Variants in ANKRD30A observed in about 807,000 individuals in gnomAD.
ANKRD30A encodes the protein ankyrin repeat domain-containing protein 30A.
ANKRD30A carries 170 observed loss-of-function variants against 166.3 expected under a neutral mutation model. That is an observed-to-expected ratio of 1.02 (90% CI 0.90 to 1.16). The LOEUF (loss-of-function observed/expected upper bound fraction) is 1.16. Among genes scored for constraint, ANKRD30A ranks in the 50% most tolerant of loss-of-function variants. The probability of loss-of-function intolerance (pLI) is 0.00; values close to 1 mark genes in which losing one functional copy is unlikely to be tolerated. For missense variants in ANKRD30A, 1,630 were observed against 1,518.0 expected (o/e 1.07, Z -1.23); for synonymous variants, 564 against 508.9 (o/e 1.11, Z -1.46).
intron 30 of ANKRD30A, 143 bp downstream of exon 30, chr10:37,199,931 G>A (rs1334582049): frequency 1.0e-5 from 5 of 501,450 alleles, no homozygotes; most frequent in Admixed American, 3.5e-5. Context: ...GCTTAATAGA[G>A]AATCTATGTG....
intron 32 of ANKRD30A, among the ~76,000 whole-genome samples, chr10:37,217,456 G>C (rs1148258): frequency 6.6e-6 from 1 of 150,576 alleles, no homozygotes; most frequent in Non-Finnish European, 1.5e-5. Flanking sequence ...TATAACAGTC[G>C]TTGCAGTTAA....
intron 6 of ANKRD30A, among the ~76,000 whole-genome samples, chr10:37,137,900 C>T (rs1388551478): frequency 6.6e-6 from 1 of 152,136 alleles, no homozygotes; most frequent in South Asian, 2.1e-4. Flanking sequence ...CAGCACGCAG[C>T]TGGAGATCTG....
intron 7 of ANKRD30A, among the ~76,000 whole-genome samples, chr10:37,143,915 CTT>C (rs34646779): frequency 6.4e-4 from 84 of 132,082 alleles, no homozygotes; most frequent in African/African-American, 1.0e-3. Context: ...ATGCTATAGT[CTT>C]TTTTTTTTTT....
intron 31 of ANKRD30A, among the ~76,000 whole-genome samples, chr10:37,203,258 C>T (rs143144311): frequency 2.0e-5 from 3 of 152,178 alleles, no homozygotes; most frequent in Admixed American, 6.5e-5. Flanking sequence ...CAAACCGAAT[C>T]CAGCAGCACA....
At chr10:37,237,466 C>G (rs1324518205), downstream of ANKRD30A, among the ~76,000 whole-genome samples, 1 of 152,168 alleles carries the variant, frequency 6.6e-6, no homozygotes, top group Non-Finnish European at 1.5e-5. Context: ...TCCCTTAATA[C>G]TGCTATGTCC....
chr10:37,162,729 T>G (rs911484226), intron 16 of ANKRD30A, 47 bp from the exon 17 acceptor site: 3 of 1,613,204 alleles, frequency 1.9e-6, no homozygotes, highest in Non-Finnish European at 2.5e-6. Context: ...ATGTATTTTG[T>G]GAAGTATACA....
chr10:37,192,592 G>A lies in ANKRD30A; in HGVS notation c.2513-472G>A, dbSNP rs563751202. Among the ~76,000 whole-genome samples, 29 of 152,012 alleles carry A rather than the reference G, an allele frequency of 1.9e-4. No individual in the cohort carries two copies. In the South Asian group the frequency reaches 5.4e-3, roughly 28 times the overall value. Reference sequence around the variant, plus strand: ...ACAACTTTGCAATTCCTAAACTCCAGGACAAATTGAAGAACATAATAGCAA... The same window carrying A: ...ACAACTTTGCAATTCCTAAACTCCAAGACAAATTGAAGAACATAATAGCAA... On this transcript the variant is annotated intron_variant, in intron 25 of 35. Coordinates refer to ENST00000361713, the MANE Select transcript of ANKRD30A (RefSeq NM_052997.3).
the ANKRD30A span, among the ~76,000 whole-genome samples, chr10:37,258,962 C>CAAAAAAAAAA: frequency 2.2e-5 from 1 of 45,556 alleles, no homozygotes; most frequent in South Asian, 8.7e-4. Context: ...GACTCCATCT[C>CAAAAAAAAAA]AAAAAAAAAA....
At chr10:37,192,338 C>T (rs1232944161) in intron 25 of ANKRD30A, among the ~76,000 whole-genome samples, 2 of 152,026 alleles carry the variant, frequency 1.3e-5, no homozygotes, top group Admixed American at 1.3e-4. Context: ...GCCACTGCAC[C>T]TGGCCTGTAT....
chr10:37,135,956 T>TAAA lies in ANKRD30A; in HGVS notation c.756-647_756-645dup, dbSNP rs1185659592. 2.6e-5 allele frequency among the ~76,000 whole-genome samples: 4 copies of TAAA among 152,292 alleles called. No individual in the cohort carries two copies. In the East Asian group the frequency reaches 7.7e-4, roughly 29 times the overall value. ...ATAACCTATGAAGAAACACTTTTTT[T>TAAA]AAAAAATTAATTTTTTGTAGAGACA... On this transcript the variant is annotated intron_variant, in intron 5 of 35. Transcript: ENST00000361713.
chr10:37,140,657 A>C (rs1485829841), intron 6 of ANKRD30A, among the ~76,000 whole-genome samples: 4 of 152,216 alleles, frequency 2.6e-5, no homozygotes. Flanking sequence ...CTCTGTTTCT[A>C]ATAGCCAAAA....
chr10:37,243,083 T>G, the ANKRD30A span, among the ~76,000 whole-genome samples: 1 of 152,130 alleles, frequency 6.6e-6, no homozygotes, highest in Non-Finnish European at 1.5e-5. Context: ...TTGCTATTTC[T>G]AGGTTATTTG....
At chr10:37,153,238 T>C (rs1467764871) in intron 12 of ANKRD30A, among the ~76,000 whole-genome samples, 1 of 152,202 alleles carries the variant, frequency 6.6e-6, no homozygotes, top group Admixed American at 6.5e-5. Flanking sequence ...GTCTTATTTA[T>C]TTTTGATGAG....
chr10:37,158,399 T>C lies in ANKRD30A; in HGVS notation c.1806T>C (p.Pro602=), dbSNP rs1285360067. Residue 602 remains proline (P), a synonymous_variant, in exon 14 of 36, where the codon CCT becomes CCC. Transcript: ENST00000361713. ...ATGTCCCTTTTCTTATAGAGTCTCC[T>C]AATAAAGATGGTCTTCTGAAGGTAA... ...DKINGKLEES[P]NKDGLLKATC... 3 of 1,610,098 alleles carry C rather than the reference T, an allele frequency of 1.9e-6. No homozygotes were observed. Among genetic ancestry groups the C allele is most frequent in the East Asian group, 2.2e-5 (1 of 44,764 alleles).
intron 13 of ANKRD30A, 118 bp from the exon 14 acceptor site, chr10:37,158,274 T>C: frequency 2.8e-6 from 4 of 1,444,686 alleles, no homozygotes; most frequent in East Asian, 2.3e-5. Flanking sequence ...CAAAACATAG[T>C]GTAATCCGTT....
At chr10:37,149,707 A>G (rs1230649912) in intron 10 of ANKRD30A, 28 bp downstream of exon 10, 1 of 1,612,222 alleles carries the variant, frequency 6.2e-7, no homozygotes. Flanking sequence ...TTCATTTTGA[A>G]TGACTTATTA....
intron 26 of ANKRD30A, 27 bp downstream of exon 26, chr10:37,193,119 A>C (rs1243308337): frequency 6.2e-7 from 1 of 1,604,076 alleles, no homozygotes; most frequent in Non-Finnish European, 8.5e-7. Flanking sequence ...TTTTATCTTG[A>C]GTATTAACTA....
chr10:37,211,973 A>G (rs1042483482), intron 31 of ANKRD30A, among the ~76,000 whole-genome samples: 2 of 151,518 alleles, frequency 1.3e-5, no homozygotes, highest in African/African-American at 4.9e-5. Flanking sequence ...CCAATTTTTG[A>G]TGGTTCACCA....
chr10:37,222,578 T>C (rs1842948193), intron 34 of ANKRD30A, among the ~76,000 whole-genome samples: 1 of 151,258 alleles, frequency 6.6e-6, no homozygotes. Context: ...TTACAAGTTA[T>C]TGTGTGGGCC....
Sources: gnomAD v4.1 joint callset for allele counts (sites outside exome capture counted in the v4.1 genomes callset) on GRCh38, gnomAD v4.1.1 for gene constraint, MANE v1.5 for transcripts, NCBI Gene and HGNC (gene_info 2026-07-23, HGNC 2026-07-21) for gene names.